DPF2: variants seen among roughly 807,000 people sequenced by gnomAD.
The protein encoded by DPF2 is double PHD fingers 2, also known as zinc finger protein ubi-d4.
In DPF2, 10 loss-of-function variants were observed where a neutral mutation model predicts 59.6. That is an observed-to-expected ratio of 0.17 (90% CI 0.10 to 0.28). The LOEUF (loss-of-function observed/expected upper bound fraction) is 0.28. Among genes scored for constraint, DPF2 ranks in the 10% least tolerant of loss-of-function variants. DPF2 has a pLI of 1.00. For missense variants in DPF2, 315 were observed against 509.4 expected (o/e 0.62, Z 3.67); for synonymous variants, 189 against 190.6 (o/e 0.99, Z 0.07).
rs1854351399 is a variant in DPF2, at chr11:65,340,979, A to C, written c.207A>C (p.Gly69=). The part of the protein sequence containing the change: ...KRHRGPGLAS[G]QLYSYPARRW... ...TTCCTGCCACAGGATTGGCCTCCGG[A>C]CAGCTGTACTCCTACCCTGCCCGGC... Residue 69 remains glycine, a synonymous_variant, in exon 3 of 11, where the codon GGA becomes GGC. Coordinates refer to ENST00000528416, the MANE Select transcript of DPF2 (RefSeq NM_006268.5). 6.2e-7 allele frequency: 1 copy of C among 1,613,900 alleles called. No homozygotes were observed. Among genetic ancestry groups the C allele is most frequent in the African/African-American group, 1.3e-5 (1 of 74,892 alleles).
intron 1 of DPF2, among the ~76,000 whole-genome samples, chr11:65,337,541 A>AGAGG (rs1565528034): frequency 1.2e-4 from 17 of 137,270 alleles, no homozygotes; most frequent in African/African-American, 4.7e-4. Flanking sequence ...AGAGAGAGAG[A>AGAGG]GAGAGAACAA....
At position 65,335,494 on chromosome 11, in the gene DPF2, A is replaced by T. The variant is rs551606819; in HGVS notation, c.32+1576A>T. On this transcript the variant is annotated intron_variant, in intron 1 of 10. Transcript: ENST00000528416. Reference sequence around the variant, plus strand: ...GCCAGTGCTTTCAAGTTGTGTCATAAGTGAGGGGTTGCCCATTTAAACAGA... The same window carrying T: ...GCCAGTGCTTTCAAGTTGTGTCATATGTGAGGGGTTGCCCATTTAAACAGA... Among the ~76,000 whole-genome samples the T allele has an allele frequency of 1.7e-3, 263 of 152,328 alleles. 1 individual carries two copies. Among genetic ancestry groups the T allele is most frequent in the Middle Eastern group, 0.014 (4 of 294 alleles).
rs1465829900 is a variant in DPF2, at chr11:65,352,840, C to T, written c.*1081C>T. 1 of 152,596 alleles carries T rather than the reference C, an allele frequency of 6.6e-6. No individual in the cohort carries two copies. Among genetic ancestry groups the T allele is most frequent in the Non-Finnish European group, 1.5e-5 (1 of 68,058 alleles). The allele number at this position is 152,596 out of a possible 1,614,324, so 9.5% of individuals were successfully genotyped here. ...TAAGTAGTGGGGGGACAGTCCATGC[C>T]AGGACACCCTGGAGTAGCCTTCCCC... On this transcript the variant is annotated 3_prime_UTR_variant, in exon 11 of 11. Transcript: ENST00000528416.
In DPF2 at chr11:65,352,815, T is replaced by G. The variant is rs1854756988; in HGVS notation, c.*1056T>G. The G allele has an allele frequency of 6.6e-6, 1 of 152,532 alleles. No individual in the cohort carries two copies. Among genetic ancestry groups the G allele is most frequent in the Non-Finnish European group, 1.5e-5 (1 of 68,048 alleles). 9.4% of individuals were successfully genotyped at this position (152,532 alleles called of 1,614,324 possible). A position where few individuals can be genotyped will look rare whatever the true frequency, so the allele number is the denominator to read the frequency against. The stretch of plus-strand genomic sequence containing the variant: ...GTTTTCTGCTTAGTGGCACTGACAT[T>G]AAGTAGTGGGGGGACAGTCCATGCC... On this transcript the variant is annotated 3_prime_UTR_variant, in exon 11 of 11. Coordinates refer to ENST00000528416, the MANE Select transcript of DPF2 (RefSeq NM_006268.5).
At chr11:65,351,528 C>T (rs1854697269) in intron 10 of DPF2, among the ~76,000 whole-genome samples, 155 bp from the exon 11 acceptor site, 1 of 152,222 alleles carries the variant, frequency 6.6e-6, no homozygotes, top group South Asian at 2.1e-4. Context: ...AGGTTTATCC[C>T]AGCTCAGGAA....
At chr11:65,344,895 A>C (rs1590935777) in intron 6 of DPF2, 3 of 464,694 alleles carry the variant, frequency 6.5e-6, no homozygotes, top group South Asian at 3.8e-5. Flanking sequence ...TTACAATCAG[A>C]CCCTTCCGCT....
intron 10 of DPF2, among the ~76,000 whole-genome samples, chr11:65,350,122 G>T (rs1241875681): frequency 2.6e-5 from 4 of 152,064 alleles, no homozygotes; most frequent in Non-Finnish European, 4.4e-5. Flanking sequence ...TCAAACAGAT[G>T]ATCTATGTTA....
chr11:65,349,081 A>G (rs959472661), intron 10 of DPF2, 150 bp downstream of exon 10: 2 of 770,070 alleles, frequency 2.6e-6, no homozygotes, highest in African/African-American at 1.8e-5. Flanking sequence ...ATGCCTTCCT[A>G]ACATTTCAAC....
intron 1 of DPF2, among the ~76,000 whole-genome samples, chr11:65,335,877 G>A (rs771766737): frequency 1.7e-4 from 26 of 151,938 alleles, no homozygotes; most frequent in Admixed American, 4.6e-4. Context: ...GCAGTGGCAC[G>A]ATCTTGGCTC....
chr11:65,341,731 C>G (rs1030101318), intron 4 of DPF2, 169 bp downstream of exon 4: 4 of 830,460 alleles, frequency 4.8e-6, no homozygotes, highest in Non-Finnish European at 7.3e-6. Flanking sequence ...TGACTGGCTT[C>G]TCTGTTGCTT....
At chr11:65,346,084 C>T (rs766206157) in intron 8 of DPF2, 26 bp downstream of exon 8, 2 of 1,613,288 alleles carry the variant, frequency 1.2e-6, no homozygotes, top group Non-Finnish European at 8.5e-7. Flanking sequence ...AAGGCTGCTG[C>T]TTTGCCCAGT....
At chr11:65,347,954 T>C (rs1172268096) in intron 9 of DPF2, 1 of 152,198 alleles carries the variant, frequency 6.6e-6, no homozygotes, top group Non-Finnish European at 1.5e-5. Flanking sequence ...GGCCCTTGTC[T>C]TATATTTTAA....
rs568975824 is a variant in DPF2, at chr11:65,339,121, A to T, written c.33-1264A>T. Among the ~76,000 whole-genome samples the T allele has an allele frequency of 2.6e-5, 4 of 152,208 alleles. No individual in the cohort carries two copies. In the East Asian group the frequency reaches 7.7e-4, roughly 29 times the overall value. ...CAATTCTGCCCTTGGTTTAAGATTG[A>T]TTGACGCCAGGTACTGTGACACATG... is the stretch of plus-strand genomic sequence containing the variant. On this transcript the variant is annotated intron_variant, in intron 1 of 10. Coordinates refer to ENST00000528416, the MANE Select transcript of DPF2 (RefSeq NM_006268.5).
In DPF2 at chr11:65,336,804, AAAG is replaced by A. The variant is rs1461987670; in HGVS notation, c.32+2890_32+2892del. ...CCATCTCAAAAAAAAAAAAAAAAAA[AAAG>A]AAGCCGGGCACGGTGGCTCATGCCT... On this transcript the variant is annotated intron_variant, in intron 1 of 10. Transcript: ENST00000528416. 6.5e-5 allele frequency among the ~76,000 whole-genome samples: 8 copies of A among 122,494 alleles called. No homozygotes were observed. The South Asian group carries it at 1.1e-3, about 16-fold the overall frequency. 80.4% of individuals were successfully genotyped at this position (122,494 alleles called of 152,430 possible).
chr11:65,343,740 C>T lies in DPF2; in HGVS notation c.466-5C>T, dbSNP rs753001667. ...CTACCCATGCTAACCCTCCTGTCCACTCAGCGGATCCTAGAACCAGATGAC... is the reference window on the plus strand; with the variant it reads ...CTACCCATGCTAACCCTCCTGTCCATTCAGCGGATCCTAGAACCAGATGAC... On this transcript the variant is annotated splice_region_variant and splice_polypyrimidine_tract_variant and intron_variant, in intron 4 of 10. Transcript: ENST00000528416. 1.9e-6 allele frequency: 3 copies of T among 1,590,786 alleles called. No individual in the cohort carries two copies. The highest frequency in any genetic ancestry group is 2.3e-5 in the South Asian group (2 of 87,576).
intron 2 of DPF2, among the ~76,000 whole-genome samples, 167 bp from the exon 3 acceptor site, chr11:65,340,799 C>T (rs1239500597): frequency 1.3e-5 from 2 of 152,192 alleles, no homozygotes; most frequent in Non-Finnish European, 2.9e-5. Flanking sequence ...GCTTATATAT[C>T]TATTTTTCTT....
At position 65,340,443 on chromosome 11, in the gene DPF2, C is replaced by T; in HGVS notation, c.91C>T (p.Leu31Phe). The T allele has an allele frequency of 6.2e-7, 1 of 1,614,244 alleles. No individual in the cohort carries two copies. The highest frequency in any genetic ancestry group is 8.5e-7 in the Non-Finnish European group (1 of 1,180,048). ...GCAGTGCCACAATTACAATGCTCGCCTCTGTGCTGAGCGCAGCGTGCGCCT... is the reference window on the plus strand; with the variant it reads ...GCAGTGCCACAATTACAATGCTCGCTTCTGTGCTGAGCGCAGCGTGCGCCT... The part of the protein sequence containing the change: ...MEQCHNYNAR[L>F]CAERSVRLPF... The change falls in exon 2 of 11, where the codon CTC becomes TTC. Residue 31 changes from leucine to phenylalanine, a missense_variant. Leu to Phe is a conservative substitution (Grantham distance 22). Around this residue, in one of 4 missense-constraint regions of DPF2, gnomAD observed 228 missense variants for 275.3 expected, o/e 0.83. Coordinates refer to ENST00000528416, the MANE Select transcript of DPF2 (RefSeq NM_006268.5).
intron 10 of DPF2, among the ~76,000 whole-genome samples, chr11:65,350,166 A>G (rs1420800338): frequency 6.6e-6 from 1 of 152,224 alleles, no homozygotes; most frequent in South Asian, 2.1e-4. Flanking sequence ...TCTGTGGGAC[A>G]TCGAGGTAGT....
At chr11:65,341,750 A>G (rs1318461842) in intron 4 of DPF2, 188 bp downstream of exon 4, 16 of 683,794 alleles carry the variant, frequency 2.3e-5, no homozygotes, top group Non-Finnish European at 3.6e-5. Flanking sequence ...TTCTAACTAT[A>G]GACTCTCATT....
Sources: gnomAD v4.1 joint callset for allele counts (sites outside exome capture counted in the v4.1 genomes callset) on GRCh38, gnomAD v4.1.1 for gene constraint, gnomAD v4.1.1 regional missense constraint, MANE v1.5 for transcripts, NCBI Gene and HGNC (gene_info 2026-07-23, HGNC 2026-07-21) for gene names.